The following THEMIS variants were observed in gnomAD, a reference collection of about 807,000 sequenced individuals.
THEMIS encodes thymocyte selection associated, also known as protein THEMIS.
THEMIS carries 37 observed loss-of-function variants against 52.6 expected under a neutral mutation model. That is an observed-to-expected ratio of 0.70 (90% confidence interval 0.54 to 0.93). The LOEUF (loss-of-function observed/expected upper bound fraction) is 0.93, where lower values mean the gene tolerates loss of function less well. Ranked by LOEUF, THEMIS falls within the 40% of genes least tolerant of loss-of-function variation. The probability of loss-of-function intolerance (pLI) is 0.00; values close to 1 mark genes in which losing one functional copy is unlikely to be tolerated. For synonymous variants in THEMIS, 292 were observed against 272.7 expected (o/e 1.07, Z -0.70); for missense variants, 808 against 763.1 (o/e 1.06, Z -0.69).
the THEMIS span, among the ~76,000 whole-genome samples, chr6:127,703,035 GTT>G: frequency 0.08 from 6,620 of 82,532 alleles, 183 homozygotes; most frequent in Middle Eastern, 0.1. Flanking sequence ...TTTAGAATGA[GTT>G]TTTTTTTTTT....
chr6:127,742,321 AAAAAAAACAAAC>A (rs1292816285), intron 4 of THEMIS, among the ~76,000 whole-genome samples: 64 of 150,310 alleles, frequency 4.3e-4, no homozygotes, highest in East Asian at 3.7e-3. Context: ...CTTAAAAAAA[AAAAAAAACAAAC>A]AAAAAAACAA....
intron 3 of THEMIS, among the ~76,000 whole-genome samples, chr6:127,828,995 G>A (rs572496212): frequency 6.6e-6 from 1 of 152,228 alleles, no homozygotes; most frequent in East Asian, 1.9e-4. Flanking sequence ...AGGGGCTCTG[G>A]GTTAGTAGAG....
At chr6:127,820,535 G>A (rs1349006153) in intron 3 of THEMIS, among the ~76,000 whole-genome samples, 2 of 152,112 alleles carry the variant, frequency 1.3e-5, no homozygotes, top group Non-Finnish European at 2.9e-5. Context: ...GCTGAGGAAT[G>A]TATAACTACT....
chr6:127,803,283 A>C (rs772773972), intron 4 of THEMIS, among the ~76,000 whole-genome samples: 6 of 152,184 alleles, frequency 3.9e-5, no homozygotes, highest in Non-Finnish European at 1.5e-5. Flanking sequence ...TGCAACCATT[A>C]TCATAATCCA....
At chr6:127,701,648 C>T in the THEMIS span, among the ~76,000 whole-genome samples, 1 of 152,156 alleles carries the variant, frequency 6.6e-6, no homozygotes, top group Non-Finnish European at 1.5e-5. Flanking sequence ...TCAATTTGAA[C>T]TCCCACCAGT....
chr6:127,765,070 G>C (rs1776150311), intron 4 of THEMIS, among the ~76,000 whole-genome samples: 1 of 151,934 alleles, frequency 6.6e-6, no homozygotes, highest in African/African-American at 2.4e-5. Flanking sequence ...TCAAAGTCAA[G>C]AACACTATTA....
At chr6:127,730,536 AAAG>A (rs1395528069) in intron 4 of THEMIS, among the ~76,000 whole-genome samples, 1 of 151,756 alleles carries the variant, frequency 6.6e-6, no homozygotes, top group Non-Finnish European at 1.5e-5. Flanking sequence ...AGGAGGAAGG[AAAG>A]AAGGAAGATT....
intron 2 of THEMIS, 69 bp from the exon 3 acceptor site, chr6:127,830,003 GGAGA>G: frequency 8.4e-7 from 1 of 1,184,484 alleles, no homozygotes; most frequent in Non-Finnish European, 1.2e-6. Flanking sequence ...AAAATCACAA[GGAGA>G]GAGTTACAAC....
chr6:127,784,118 C>G (rs1162811897), intron 4 of THEMIS, among the ~76,000 whole-genome samples: 1 of 152,120 alleles, frequency 6.6e-6, no homozygotes, highest in Admixed American at 6.5e-5. Flanking sequence ...CCATCATTCT[C>G]AGCAAACTAA....
At chr6:127,787,742 T>A (rs1424702694) in intron 4 of THEMIS, among the ~76,000 whole-genome samples, 2 of 152,130 alleles carry the variant, frequency 1.3e-5, no homozygotes, top group African/African-American at 4.8e-5. Flanking sequence ...ATCTGTATTA[T>A]CTAAAATTAA....
intron 1 of THEMIS, among the ~76,000 whole-genome samples, chr6:127,887,395 T>C (rs1287489222): frequency 6.6e-6 from 1 of 152,168 alleles, no homozygotes; most frequent in Non-Finnish European, 1.5e-5. Context: ...GGGATCCTTA[T>C]ACATTAATGG....
intron 2 of THEMIS, among the ~76,000 whole-genome samples, chr6:127,833,526 G>A (rs573190088): frequency 6.6e-6 from 1 of 152,244 alleles, no homozygotes; most frequent in South Asian, 2.1e-4. Flanking sequence ...CTGCCACCAA[G>A]CCAGTCTTGC....
At chr6:127,713,361 C>G (rs1774047196) in intron 5 of THEMIS, among the ~76,000 whole-genome samples, 1 of 151,810 alleles carries the variant, frequency 6.6e-6, no homozygotes, top group South Asian at 2.1e-4. Context: ...TTGATAGAAT[C>G]CACACATAAT....
chr6:127,715,842 C>A (rs998746804), intron 5 of THEMIS, among the ~76,000 whole-genome samples: 1 of 151,838 alleles, frequency 6.6e-6, no homozygotes, highest in Non-Finnish European at 1.5e-5. Flanking sequence ...GGATCACAGG[C>A]TTTCAGAACT....
At chr6:127,825,900 C>T (rs908457031) in intron 3 of THEMIS, among the ~76,000 whole-genome samples, 12 of 151,994 alleles carry the variant, frequency 7.9e-5, no homozygotes, top group Non-Finnish European at 1.5e-4. Flanking sequence ...AGGTCGTCAT[C>T]GCAGAAAAAC....
chr6:127,820,502 T>A (rs952881783), intron 3 of THEMIS, among the ~76,000 whole-genome samples: 1 of 152,066 alleles, frequency 6.6e-6, no homozygotes, highest in Non-Finnish European at 1.5e-5. Flanking sequence ...ACTATGGAAA[T>A]GAATTGACAC....
At chr6:127,863,380 T>C (rs1196959551) in intron 1 of THEMIS, among the ~76,000 whole-genome samples, 2 of 152,226 alleles carry the variant, frequency 1.3e-5, no homozygotes, top group Non-Finnish European at 2.9e-5. Context: ...TCCATTTATC[T>C]TAAGGTGATC....
At chr6:127,875,550 T>C (rs1780289135) in intron 1 of THEMIS, among the ~76,000 whole-genome samples, 1 of 152,148 alleles carries the variant, frequency 6.6e-6, no homozygotes, top group Non-Finnish European at 1.5e-5. Flanking sequence ...TTCTGCAATG[T>C]TGGAAATATA....
chr6:127,904,636 T>C (rs1781223177), upstream of THEMIS, among the ~76,000 whole-genome samples: 1 of 151,886 alleles, frequency 6.6e-6, no homozygotes, highest in South Asian at 2.1e-4. Context: ...TGAATGGGAA[T>C]GCCAGAAGAC....
Sources: allele counts gnomAD v4.1 joint callset (sites outside exome capture counted in the v4.1 genomes callset), GRCh38; gene constraint gnomAD v4.1.1; transcripts MANE v1.5; gene names NCBI Gene and HGNC (gene_info 2026-07-23, HGNC 2026-07-21).